NRXN3: variants seen among roughly 807,000 people sequenced by gnomAD.
The protein encoded by NRXN3 is neurexin 3, also known as neurexin III.
Under a neutral mutation model 137.6 loss-of-function variants are expected in NRXN3, and 32 were observed. The observed-to-expected ratio is 0.23, with a 90% CI of 0.18 to 0.31. NRXN3 has a LOEUF of 0.31. Ranked by LOEUF, NRXN3 falls within the 10% of genes least tolerant of loss-of-function variation. NRXN3 has a pLI of 1.00. For synonymous variants in NRXN3, 798 were observed against 784.5 expected, an observed-to-expected ratio of 1.02 and a Z score of -0.29; for missense variants, 1,574 against 2,062.5, an observed-to-expected ratio of 0.76 and a Z score of 4.59.
chr14:78,301,781 G>T (rs1221673430), intron 4 of NRXN3, among the ~76,000 whole-genome samples: 6 of 152,192 alleles, frequency 3.9e-5, no homozygotes, highest in Non-Finnish European at 7.4e-5. Context: ...GCTTATTTGA[G>T]TTTTATGCTT....
chr14:78,666,258 C>G (rs1465855448), intron 6 of NRXN3, among the ~76,000 whole-genome samples: 1 of 152,122 alleles, frequency 6.6e-6, no homozygotes, highest in Non-Finnish European at 1.5e-5. Context: ...TTCTTCTTCT[C>G]AGAGTTAAAA....
At chr14:78,654,888 A>C (rs1363478952) in intron 6 of NRXN3, among the ~76,000 whole-genome samples, 1 of 152,188 alleles carries the variant, frequency 6.6e-6, no homozygotes, top group Non-Finnish European at 1.5e-5. Context: ...ACTATTGACC[A>C]CTTGACTTTC....
chr14:79,216,449 T>G (rs970117963), intron 15 of NRXN3, among the ~76,000 whole-genome samples: 1 of 152,184 alleles, frequency 6.6e-6, no homozygotes, highest in Non-Finnish European at 1.5e-5. Context: ...CTCACTTCTT[T>G]GCGCAGGAGA....
intron 10 of NRXN3, among the ~76,000 whole-genome samples, chr14:78,858,653 G>T (rs2099063982): frequency 6.6e-6 from 1 of 152,130 alleles, no homozygotes; most frequent in African/African-American, 2.4e-5. Flanking sequence ...CCTGACATTT[G>T]ATCTTTGTAC....
At chr14:78,927,150 C>CTCTTAAAAAA (rs546385554) in intron 10 of NRXN3, among the ~76,000 whole-genome samples, 1 of 111,722 alleles carries the variant, frequency 9.0e-6, no homozygotes, top group East Asian at 2.5e-4. Flanking sequence ...GTGAGACCCT[C>CTCTTAAAAAA]AAAAAAAAAA....
At chr14:78,755,760 C>T (rs1415081928) in intron 8 of NRXN3, among the ~76,000 whole-genome samples, 2 of 152,164 alleles carry the variant, frequency 1.3e-5, no homozygotes, top group Non-Finnish European at 2.9e-5. Context: ...TGCTTCCTTC[C>T]TTACTCAAGC....
intron 8 of NRXN3, among the ~76,000 whole-genome samples, chr14:78,770,472 A>G (rs1290973991): frequency 2.0e-5 from 3 of 152,174 alleles, no homozygotes; most frequent in Non-Finnish European, 4.4e-5. Flanking sequence ...TGGAGCAAAG[A>G]TGTGCAAGGA....
intron 14 of NRXN3, among the ~76,000 whole-genome samples, chr14:78,982,524 G>T (rs1039032049): frequency 6.6e-6 from 1 of 152,034 alleles, no homozygotes; most frequent in South Asian, 2.1e-4. Context: ...TTTAACAAAG[G>T]TGCCACAAGT....
chr14:78,461,605 A>C (rs933338905), intron 4 of NRXN3, among the ~76,000 whole-genome samples: 5 of 152,192 alleles, frequency 3.3e-5, no homozygotes, highest in African/African-American at 1.2e-4. Context: ...GTGTCTGTCC[A>C]TCCAACCAGT....
intron 15 of NRXN3, among the ~76,000 whole-genome samples, chr14:79,157,624 A>G (rs1003488805): frequency 6.6e-6 from 1 of 151,798 alleles, no homozygotes; most frequent in Non-Finnish European, 1.5e-5. Flanking sequence ...CCCTATCAGC[A>G]TTTGAAAGAA....
At chr14:78,797,959 C>A (rs2153068896) in intron 8 of NRXN3, among the ~76,000 whole-genome samples, 1 of 152,280 alleles carries the variant, frequency 6.6e-6, no homozygotes, top group South Asian at 2.1e-4. Context: ...CACCAGGTCC[C>A]TCCCACAGAT....
chr14:78,559,696 G>A (rs967280319), intron 4 of NRXN3, among the ~76,000 whole-genome samples: 3 of 152,156 alleles, frequency 2.0e-5, no homozygotes, highest in African/African-American at 4.8e-5. Context: ...CATTTGACAC[G>A]TATAAAATTG....
intron 4 of NRXN3, among the ~76,000 whole-genome samples, chr14:78,621,469 A>T (rs2097403330): frequency 6.6e-6 from 1 of 152,238 alleles, no homozygotes; most frequent in Admixed American, 6.5e-5. Context: ...TATTCAAATA[A>T]CAAATACACT....
At chr14:79,371,556 C>T (rs976944845) in intron 15 of NRXN3, among the ~76,000 whole-genome samples, 3 of 151,974 alleles carry the variant, frequency 2.0e-5, no homozygotes, top group Non-Finnish European at 4.4e-5. Context: ...TAAATCCTTC[C>T]CAGATTTTAG....
chr14:78,980,966 C>A (rs941015724), intron 14 of NRXN3, among the ~76,000 whole-genome samples: 2 of 152,002 alleles, frequency 1.3e-5, no homozygotes, highest in African/African-American at 4.8e-5. Context: ...TTCCTAAGGC[C>A]TTTGGATGTT....
rs571318225 is a variant in NRXN3, at chr14:79,650,477, G to A, written c.3445-13301G>A. Among the ~76,000 whole-genome samples the A allele has an allele frequency of 5.8e-4, 89 of 152,186 alleles. 2 individuals are homozygous for A. The South Asian group carries it at 0.017, about 30-fold the overall frequency. On this transcript the variant is annotated intron_variant, in intron 16 of 20. Coordinates refer to ENST00000335750, the MANE Select transcript of NRXN3 (RefSeq NM_001330195.2). ...CATCACCCAACAAGCTCAGCAATGT[G>A]ACTTTGTCTTACGGATGAGGAAACT...
chr14:78,248,720 G>A (rs73310309), intron 2 of NRXN3, among the ~76,000 whole-genome samples: 83 of 152,230 alleles, frequency 5.5e-4, no homozygotes, highest in African/African-American at 1.9e-3. Flanking sequence ...TTTGAGAAGG[G>A]GTGGGTGTCC....
At chr14:79,480,441 G>A (rs1035284674) in intron 16 of NRXN3, among the ~76,000 whole-genome samples, 2 of 152,140 alleles carry the variant, frequency 1.3e-5, no homozygotes, top group Non-Finnish European at 2.9e-5. Flanking sequence ...CACAATGAAT[G>A]ATCCACAAAG....
At chr14:79,418,660 G>A (rs906656590) in intron 15 of NRXN3, among the ~76,000 whole-genome samples, 4 of 152,150 alleles carry the variant, frequency 2.6e-5, no homozygotes, top group Non-Finnish European at 5.9e-5. Context: ...CAGCTCTCTT[G>A]AAAACAAAAT....
Sources: gnomAD v4.1 joint callset for allele counts (sites outside exome capture counted in the v4.1 genomes callset) on GRCh38, gnomAD v4.1.1 for gene constraint, MANE v1.5 for transcripts, NCBI Gene and HGNC (gene_info 2026-07-23, HGNC 2026-07-21) for gene names.